Variants in SCAMP1 observed in about 807,000 individuals in gnomAD.
SCAMP1 encodes the protein secretory carrier-associated membrane protein 1.
A neutral mutation model predicts 41.8 loss-of-function variants in SCAMP1; 15 were observed. The ratio of observed to expected loss-of-function variants is 0.36; its 90% CI spans 0.24 to 0.55. The LOEUF (loss-of-function observed/expected upper bound fraction) is 0.55, where lower values mean the gene tolerates loss of function less well. SCAMP1 is among the 20% of genes least tolerant of loss of function. The pLI is 0.86. For synonymous variants in SCAMP1, 135 were observed against 136.8 expected, an observed-to-expected ratio of 0.99 and a Z score of 0.09; for missense variants, 341 against 412.6, an observed-to-expected ratio of 0.83 and a Z score of 1.50.
intron 1 of SCAMP1, among the ~76,000 whole-genome samples, chr5:78,374,737 G>A (rs899527989): frequency 6.6e-6 from 1 of 152,032 alleles, no homozygotes. Context: ...GTTGGCTTGG[G>A]CATGATTGCT....
intron 2 of SCAMP1, among the ~76,000 whole-genome samples, chr5:78,411,555 A>G (rs888022332): frequency 6.6e-6 from 1 of 152,142 alleles, no homozygotes; most frequent in Admixed American, 6.5e-5. Flanking sequence ...GCTTTGTTTC[A>G]TAACTTTTTT....
At chr5:78,422,330 TTA>T (rs1752357764) in intron 6 of SCAMP1, among the ~76,000 whole-genome samples, 1 of 151,030 alleles carries the variant, frequency 6.6e-6, no homozygotes, top group Non-Finnish European at 1.5e-5. Flanking sequence ...TTTTTTTTTT[TTA>T]AATTAACCTA....
intron 2 of SCAMP1, among the ~76,000 whole-genome samples, chr5:78,391,550 A>C (rs1437488980): frequency 1.3e-5 from 2 of 149,450 alleles, no homozygotes; most frequent in Admixed American, 1.3e-4. Context: ...GGGGCTCTTC[A>C]CTTCTCAGAC....
At position 78,480,521 on chromosome 5, in the gene SCAMP1, T is replaced by C. The variant is rs1001525206; in HGVS notation, c.*4853T>C. Among the ~76,000 whole-genome samples the C allele has an allele frequency of 6.6e-6, 1 of 152,232 alleles. No individual in the cohort carries two copies. Among genetic ancestry groups the C allele is most frequent in the African/African-American group, 2.4e-5 (1 of 41,468 alleles). On this transcript the variant is annotated 3_prime_UTR_variant, in exon 9 of 9. Coordinates refer to ENST00000621999, the MANE Select transcript of SCAMP1 (RefSeq NM_004866.6). ...AGTTTGTAGTAGTATTCAGGTATTT[T>C]GGGGATGGGGGAAAACACCAAAAAT...
chr5:78,368,466 C>G (rs917320578), intron 1 of SCAMP1, among the ~76,000 whole-genome samples: 2 of 152,068 alleles, frequency 1.3e-5, no homozygotes, highest in African/African-American at 4.8e-5. Flanking sequence ...AAATGCAGAT[C>G]CAAATAATTT....
chr5:78,364,247 A>G (rs1277780445), intron 1 of SCAMP1, among the ~76,000 whole-genome samples: 2 of 152,218 alleles, frequency 1.3e-5, no homozygotes, highest in Non-Finnish European at 2.9e-5. Flanking sequence ...TCAGCATAAG[A>G]GTGTATGGTT....
chr5:78,373,599 C>T lies in SCAMP1; in HGVS notation c.57+12871C>T, dbSNP rs760824227. ...CTTTGCCCTACTGATTGCTTTAAGACGTAATTTGGTTTCTTGCCACTGCTC... is the reference window on the plus strand; with the variant it reads ...CTTTGCCCTACTGATTGCTTTAAGATGTAATTTGGTTTCTTGCCACTGCTC... On this transcript the variant is annotated intron_variant, in intron 1 of 8. Coordinates refer to ENST00000621999, the MANE Select transcript of SCAMP1 (RefSeq NM_004866.6). Among the ~76,000 whole-genome samples, 102 of 152,168 alleles carry T rather than the reference C, an allele frequency of 6.7e-4. 1 individual carries two copies. Among genetic ancestry groups the T allele is most frequent in the Admixed American group, 3.8e-3 (58 of 15,280 alleles).
intron 2 of SCAMP1, among the ~76,000 whole-genome samples, chr5:78,410,892 G>C (rs1752059224): frequency 6.6e-6 from 1 of 152,132 alleles, no homozygotes. Flanking sequence ...TTTTTCTAAT[G>C]ATCAGTGATG....
At chr5:78,409,246 C>A (rs113406202) in intron 2 of SCAMP1, among the ~76,000 whole-genome samples, 1 of 151,906 alleles carries the variant, frequency 6.6e-6, no homozygotes, top group African/African-American at 2.4e-5. Context: ...TTTCTTGTTG[C>A]GTTAGTTGTG....
chr5:78,363,823 T>C (rs186251093), intron 1 of SCAMP1, among the ~76,000 whole-genome samples: 56 of 152,320 alleles, frequency 3.7e-4, no homozygotes, highest in African/African-American at 1.3e-3. Context: ...TTTTTTTTTG[T>C]TGAGCCCCTG....
intron 2 of SCAMP1, among the ~76,000 whole-genome samples, chr5:78,403,484 TTTCTC>T (rs67595422): frequency 0.45 from 67,888 of 151,472 alleles, 15,962 homozygotes; most frequent in Non-Finnish European, 0.5. Context: ...AACCAACTGT[TTTCTC>T]TTAGACCATT....
chr5:78,447,685 C>G (rs1255647561), intron 6 of SCAMP1, among the ~76,000 whole-genome samples: 1 of 152,116 alleles, frequency 6.6e-6, no homozygotes, highest in Non-Finnish European at 1.5e-5. Context: ...GCATTCTTGG[C>G]TTTGGCAGAT....
At chr5:78,419,638 A>G (rs1254184208) in intron 5 of SCAMP1, among the ~76,000 whole-genome samples, 1 of 152,184 alleles carries the variant, frequency 6.6e-6, no homozygotes, top group Non-Finnish European at 1.5e-5. Context: ...GGAGGTAGCT[A>G]TTGAGGGTTC....
intron 1 of SCAMP1, among the ~76,000 whole-genome samples, chr5:78,381,050 C>T (rs1397100007): frequency 6.7e-6 from 1 of 150,030 alleles, no homozygotes; most frequent in African/African-American, 2.5e-5. Context: ...GCCTGGGCAA[C>T]AGCAAGACTC....
intron 6 of SCAMP1, among the ~76,000 whole-genome samples, chr5:78,427,863 A>G (rs551903109): frequency 6.6e-6 from 1 of 152,124 alleles, no homozygotes; most frequent in Admixed American, 6.6e-5. Flanking sequence ...TTTATTGTCT[A>G]TTTTAAAAAT....
At chr5:78,423,394 T>A (rs980758711) in intron 6 of SCAMP1, among the ~76,000 whole-genome samples, 6 of 152,242 alleles carry the variant, frequency 3.9e-5, no homozygotes, top group African/African-American at 7.2e-5. Flanking sequence ...CTTCGTTATC[T>A]AAGCATGGCT....
At chr5:78,417,286 A>C (rs988944057) in intron 4 of SCAMP1, among the ~76,000 whole-genome samples, 2 of 152,260 alleles carry the variant, frequency 1.3e-5, no homozygotes, top group African/African-American at 4.8e-5. Context: ...AAGCTAGAAC[A>C]ATAACAATAT....
intron 8 of SCAMP1, among the ~76,000 whole-genome samples, chr5:78,466,397 A>G (rs569520052): frequency 1.8e-4 from 27 of 152,352 alleles, no homozygotes; most frequent in African/African-American, 5.8e-4. Context: ...CAGCTGAGAT[A>G]TAATGATGGC....
intron 4 of SCAMP1, among the ~76,000 whole-genome samples, chr5:78,418,012 T>A (rs1410612430): frequency 6.6e-6 from 1 of 152,190 alleles, no homozygotes; most frequent in East Asian, 1.9e-4. Context: ...TTTCATGTTT[T>A]GACTTCTTTA....
Sources: gnomAD v4.1 joint callset for allele counts (sites outside exome capture counted in the v4.1 genomes callset) on GRCh38, gnomAD v4.1.1 for gene constraint, MANE v1.5 for transcripts, NCBI Gene and HGNC (gene_info 2026-07-23, HGNC 2026-07-21) for gene names.